TAOK1: variants seen among roughly 807,000 people sequenced by gnomAD.
TAOK1 encodes TAO kinase 1.
TAOK1 carries 21 observed loss-of-function variants against 138.3 expected under a neutral mutation model. The ratio of observed to expected loss-of-function variants is 0.15; its 90% CI spans 0.11 to 0.22. The LOEUF (loss-of-function observed/expected upper bound fraction) is 0.22. TAOK1 is among the 10% of genes least tolerant of loss of function. The probability of loss-of-function intolerance (pLI) is 1.00; values close to 1 mark genes in which losing one functional copy is unlikely to be tolerated. For synonymous variants in TAOK1, 361 were observed against 398.4 expected (o/e 0.91, Z 1.12); for missense variants, 651 against 1,227.7 (o/e 0.53, Z 7.02).
At chr17:29,517,702 C>G in intron 16 of TAOK1, 46 bp downstream of exon 16, 1 of 1,541,518 alleles carries the variant, frequency 6.5e-7, no homozygotes, top group Non-Finnish European at 8.8e-7. Flanking sequence ...TCAAAAGAAT[C>G]TTTCCTGAAA....
Position 29,426,026 on chromosome 17 carries a change from G to A in TAOK1, c.-94-25429G>A, listed in dbSNP as rs758677627. On this transcript the variant is annotated intron_variant, in intron 1 of 19. Transcript: ENST00000261716. Reference sequence around the variant, plus strand: ...CTCCCGAGTAGCTGGAACTACATGCGCCCACCACCACGCCCAGCTAATTTT... The same window carrying A: ...CTCCCGAGTAGCTGGAACTACATGCACCCACCACCACGCCCAGCTAATTTT... 7.2e-5 allele frequency among the ~76,000 whole-genome samples: 11 copies of A among 152,066 alleles called. No homozygotes were observed. In the South Asian group the frequency reaches 1.0e-3, roughly 14 times the overall value.
intron 11 of TAOK1, among the ~76,000 whole-genome samples, chr17:29,497,291 T>TTA (rs2031433215): frequency 6.6e-6 from 1 of 152,148 alleles, no homozygotes; most frequent in Non-Finnish European, 1.5e-5. Flanking sequence ...ATATAAGACT[T>TTA]TATAAACTTA....
intron 2 of TAOK1, among the ~76,000 whole-genome samples, chr17:29,466,332 T>G (rs2030668346): frequency 6.6e-6 from 1 of 152,060 alleles, no homozygotes; most frequent in Non-Finnish European, 1.5e-5. Context: ...TTAGTAGAGA[T>G]AGATTTTCAC....
At chr17:29,464,930 T>C (rs1290062440) in intron 2 of TAOK1, among the ~76,000 whole-genome samples, 1 of 150,670 alleles carries the variant, frequency 6.6e-6, no homozygotes, top group East Asian at 2.0e-4. Flanking sequence ...AAGCGATTCT[T>C]GTGCCTCAAC....
chr17:29,496,433 C>G (rs929669982), intron 11 of TAOK1, among the ~76,000 whole-genome samples: 1 of 151,704 alleles, frequency 6.6e-6, no homozygotes, highest in Non-Finnish European at 1.5e-5. Context: ...CCTTTTTTGA[C>G]TGATTGTCCA....
intron 2 of TAOK1, among the ~76,000 whole-genome samples, chr17:29,457,089 C>CTTTTTTTTTT (rs548221652): frequency 2.8e-5 from 3 of 107,408 alleles, no homozygotes; most frequent in Admixed American, 9.6e-5. Context: ...TTTTCTTTTT[C>CTTTTTTTTTT]TTTTTTTTTT....
intron 2 of TAOK1, 64 bp downstream of exon 2, chr17:29,451,744 A>G: frequency 6.5e-7 from 1 of 1,544,702 alleles, no homozygotes; most frequent in Non-Finnish European, 8.7e-7. Flanking sequence ...TGACAGAGCA[A>G]AATATAGTAA....
At chr17:29,510,787 G>C (rs772341985) in intron 14 of TAOK1, 77 bp from the exon 15 acceptor site, 1 of 1,013,290 alleles carries the variant, frequency 9.9e-7, no homozygotes. Context: ...AAAATAAAAG[G>C]TATTCTTAAT....
intron 2 of TAOK1, among the ~76,000 whole-genome samples, chr17:29,452,845 A>G (rs1304222636): frequency 6.6e-6 from 1 of 152,244 alleles, no homozygotes; most frequent in Admixed American, 6.5e-5. Flanking sequence ...ATAATATTCC[A>G]TTGTATATTA....
chr17:29,445,231 A>G (rs1438997863), intron 1 of TAOK1: 1 of 152,324 alleles, frequency 6.6e-6, no homozygotes, highest in Non-Finnish European at 1.5e-5. Flanking sequence ...TGGGGTATCC[A>G]TCCCCCCAAG....
intron 3 of TAOK1, among the ~76,000 whole-genome samples, chr17:29,475,385 G>GA (rs1448528750): frequency 6.6e-6 from 1 of 152,086 alleles, no homozygotes; most frequent in Non-Finnish European, 1.5e-5. Flanking sequence ...ACAAAAAATA[G>GA]AAAAATTAGA....
chr17:29,408,491 C>T (rs1038547403), intron 1 of TAOK1, among the ~76,000 whole-genome samples: 1 of 152,120 alleles, frequency 6.6e-6, no homozygotes, highest in African/African-American at 2.4e-5. Context: ...GTTGAGATTA[C>T]AGGCATGAGC....
chr17:29,433,907 A>C (rs575220968), intron 1 of TAOK1, among the ~76,000 whole-genome samples: 1 of 152,244 alleles, frequency 6.6e-6, no homozygotes, highest in Non-Finnish European at 1.5e-5. Context: ...TTTTGGGGGA[A>C]ACAGCAGTCA....
intron 1 of TAOK1, among the ~76,000 whole-genome samples, chr17:29,409,873 A>G (rs936923732): frequency 8.5e-5 from 13 of 152,088 alleles, no homozygotes; most frequent in African/African-American, 2.9e-4. Context: ...GGATGTAAGG[A>G]TGATTGTGCA....
chr17:29,539,856 G>A lies in TAOK1; in HGVS notation c.2545-2705G>A, dbSNP rs142216432. On this transcript the variant is annotated intron_variant, in intron 19 of 19. Coordinates refer to ENST00000261716, the MANE Select transcript of TAOK1 (RefSeq NM_020791.4). Reference sequence around the variant, plus strand: ...GATCGCGCCACTGCACTCCAGCCTGGGTGACAGAGCAAGACCCTGTCTCGA... The same window carrying A: ...GATCGCGCCACTGCACTCCAGCCTGAGTGACAGAGCAAGACCCTGTCTCGA... Among the ~76,000 whole-genome samples the A allele has an allele frequency of 9.0e-3, 1,368 of 152,194 alleles. 9 individuals are homozygous for A. Among genetic ancestry groups the A allele is most frequent in the Non-Finnish European group, 0.015 (1,040 of 68,004 alleles).
chr17:29,530,580 G>A lies in TAOK1; in HGVS notation c.2322G>A (p.Gln774=), dbSNP rs139027194. The A allele has an allele frequency of 1.4e-4, 227 of 1,614,142 alleles. No individual in the cohort carries two copies. The highest frequency in any genetic ancestry group is 5.0e-5 in the Admixed American group (3 of 59,996). Residue 774 remains glutamine, a synonymous_variant, in exon 18 of 20, where the codon CAG becomes CAA. Transcript: ENST00000261716. ...QTRKLAILAE[Q]YDHSINEMLS... The stretch of plus-strand genomic sequence containing the variant: ...GGAAATTAGCTATCTTGGCTGAGCA[G>A]TATGATCACAGCATTAATGAAATGC...
intron 1 of TAOK1, chr17:29,403,812 C>G (rs1386326680): frequency 6.6e-6 from 1 of 152,130 alleles, no homozygotes; most frequent in Non-Finnish European, 1.5e-5. Flanking sequence ...CGAAGCAGTC[C>G]TCATACGTCA....
At chr17:29,472,781 G>A (rs897996594) in intron 3 of TAOK1, among the ~76,000 whole-genome samples, 5 of 151,138 alleles carry the variant, frequency 3.3e-5, no homozygotes, top group African/African-American at 9.7e-5. Context: ...TCTCCATGTC[G>A]GTCAGGCTAG....
chr17:29,480,247 C>G (rs1229912045), intron 6 of TAOK1, 121 bp from the exon 7 acceptor site: 1 of 606,250 alleles, frequency 1.6e-6, no homozygotes, highest in Non-Finnish European at 2.7e-6. Context: ...TGAGATTACC[C>G]CAGCACTTAA....
Sources: allele counts gnomAD v4.1 joint callset (sites outside exome capture counted in the v4.1 genomes callset), GRCh38; gene constraint gnomAD v4.1.1; transcripts MANE v1.5; gene names NCBI Gene and HGNC (gene_info 2026-07-23, HGNC 2026-07-21).